Variants in SKP2 observed in about 807,000 individuals in gnomAD.
SKP2 encodes the protein S-phase kinase-associated protein 2.
In SKP2, 16 loss-of-function variants were observed where a neutral mutation model predicts 51.8. The ratio of observed to expected loss-of-function variants is 0.31; its 90% confidence interval spans 0.21 to 0.47. The LOEUF (loss-of-function observed/expected upper bound fraction) is 0.47, where lower values mean the gene tolerates loss of function less well. SKP2 is among the 20% of genes least tolerant of loss of function. SKP2 has a pLI of 1.00. For missense variants in SKP2, 377 were observed against 505.3 expected (o/e 0.75, Z 2.43); for synonymous variants, 176 against 198.6 (o/e 0.89, Z 0.96).
intron 4 of SKP2, 69 bp from the exon 5 acceptor site, chr5:36,168,244 G>T: frequency 6.8e-7 from 1 of 1,465,836 alleles, no homozygotes; most frequent in Non-Finnish European, 9.4e-7. Context: ...GGAGAAGAGG[G>T]GTCTGGTTTG....
At chr5:36,170,134 C>A (rs544377768) in intron 5 of SKP2, among the ~76,000 whole-genome samples, 4 of 152,204 alleles carry the variant, frequency 2.6e-5, no homozygotes, top group South Asian at 4.1e-4. Context: ...TTCTTAATAA[C>A]TCTGCCAAGA....
chr5:36,171,691 C>T lies in SKP2; in HGVS notation c.859C>T (p.Gln287Ter). 6.2e-7 allele frequency: 1 copy of T among 1,613,950 alleles called. No individual in the cohort carries two copies. The highest frequency in any genetic ancestry group is 1.1e-5 in the South Asian group (1 of 91,076). ...TGCGCATGTGTCAGAGACCATCACC[C>T]AGCTGAATCTTAGCGGCTACAGAAA... ...AVAHVSETIT[Q>*]LNLSGYRKNL... The change falls in exon 7 of 10, where the codon CAG becomes TAG. Residue 287 changes from glutamine to a stop codon, truncating the protein, a stop_gained. Coordinates refer to ENST00000274255, the MANE Select transcript of SKP2 (RefSeq NM_005983.4). LOFTEE classifies it high-confidence loss of function.
intron 6 of SKP2, among the ~76,000 whole-genome samples, chr5:36,192,347 C>T (rs1191823343): frequency 6.6e-6 from 1 of 152,168 alleles, no homozygotes; most frequent in Non-Finnish European, 1.5e-5. Flanking sequence ...TCCCTGGGAT[C>T]TTTTCTGCAT....
rs1745651086 is a variant in SKP2 at position 36,176,900 on chromosome 5, A to T, written c.902-65A>T. ...AGCATGATGTTCAATGATAGTAGTGATAACAAATATCCTTGTCTTGTTCCT... is the reference window on the plus strand; with the variant it reads ...AGCATGATGTTCAATGATAGTAGTGTTAACAAATATCCTTGTCTTGTTCCT... On this transcript the variant is annotated intron_variant, in intron 7 of 9. Transcript: ENST00000274255. 47 of 1,044,436 alleles carry T rather than the reference A, an allele frequency of 4.5e-5. No homozygotes were observed. The South Asian group carries it at 6.3e-4, about 14-fold the overall frequency. The allele number at this position is 1,044,436 out of a possible 1,614,324, so 64.7% of individuals were successfully genotyped here.
Position 36,184,143 on chromosome 5 carries a change from A to G in SKP2, c.*2112A>G. Reference sequence around the variant, plus strand: ...CATTTGGCTTAGATACCTCTAAATAAGACTCTTCAAAACAGAGCCCTGAGA... The same window carrying G: ...CATTTGGCTTAGATACCTCTAAATAGGACTCTTCAAAACAGAGCCCTGAGA... On this transcript the variant is annotated 3_prime_UTR_variant, in exon 10 of 10. Transcript: ENST00000274255. 3 of 561,296 alleles carry G rather than the reference A, an allele frequency of 5.3e-6. No homozygotes were observed. Among genetic ancestry groups the G allele is most frequent in the Non-Finnish European group, 9.3e-6 (3 of 321,006 alleles). The allele number at this position is 561,296 out of a possible 1,614,324, so 34.8% of individuals were successfully genotyped here.
intron 2 of SKP2, among the ~76,000 whole-genome samples, chr5:36,162,240 G>A (rs1745144131): frequency 8.1e-6 from 1 of 122,746 alleles, no homozygotes; most frequent in South Asian, 2.5e-4. Context: ...GCTGCTCTCT[G>A]ATTTTTCTAC....
intron 6 of SKP2, 74 bp downstream of exon 6, chr5:36,170,516 G>T (rs1018517459): frequency 2.2e-6 from 2 of 895,814 alleles, no homozygotes; most frequent in Non-Finnish European, 1.7e-6. Flanking sequence ...TGTATAAAAT[G>T]GGATGAACTT....
intron 9 of SKP2, among the ~76,000 whole-genome samples, chr5:36,180,685 T>C (rs27130): frequency 0.63 from 95,575 of 152,086 alleles, 35,239 homozygotes; most frequent in Non-Finnish European, 0.83. Context: ...AGCAGATGAA[T>C]GACTAACATG....
At chr5:36,158,380 C>A (rs1185994766) in intron 2 of SKP2, among the ~76,000 whole-genome samples, 2 of 152,210 alleles carry the variant, frequency 1.3e-5, no homozygotes, top group Non-Finnish European at 2.9e-5. Flanking sequence ...GCTAGAGCAG[C>A]TATTAAAGAC....
Position 36,166,765 on chromosome 5 carries a change from G to T in SKP2, c.536+103G>T, listed in dbSNP as rs1475636776. 4 of 1,028,970 alleles carry T rather than the reference G, an allele frequency of 3.9e-6. No homozygotes were observed. In the African/African-American group the frequency reaches 6.5e-5, roughly 17 times the overall value. The allele number at this position is 1,028,970 out of a possible 1,614,324, so 63.7% of individuals were successfully genotyped here. A position where few individuals can be genotyped will look rare whatever the true frequency, so the allele number is the denominator to read the frequency against. On this transcript the variant is annotated intron_variant, in intron 4 of 9. Transcript: ENST00000274255. ...TCTTTCTTCAGCCTTAAAGCCTATGGTAGGTTATCTGTGCAGTGTGGGATG... is the reference window on the plus strand; with the variant it reads ...TCTTTCTTCAGCCTTAAAGCCTATGTTAGGTTATCTGTGCAGTGTGGGATG...
intron 3 of SKP2, 89 bp downstream of exon 3, chr5:36,163,845 C>A: frequency 1.2e-6 from 1 of 860,340 alleles, no homozygotes; most frequent in Admixed American, 2.2e-5. Context: ...AACTAAAAAC[C>A]AAGAAAAATA....
chr5:36,190,683 C>CAAAAAAAAAAAA (rs70973094), intron 6 of SKP2, among the ~76,000 whole-genome samples: 50 of 81,176 alleles, frequency 6.2e-4, no homozygotes, highest in South Asian at 1.5e-3. Context: ...CAAACATATG[C>CAAAAAAAAAAAA]AAAAAAAAAA....
intron 3 of SKP2, among the ~76,000 whole-genome samples, chr5:36,164,790 C>A (rs1745233383): frequency 6.6e-6 from 1 of 152,098 alleles, no homozygotes; most frequent in African/African-American, 2.4e-5. Context: ...GTCTGTTAAT[C>A]CCATTTTAAA....
chr5:36,163,257 T>C (rs2111967940), intron 2 of SKP2, among the ~76,000 whole-genome samples: 1 of 152,296 alleles, frequency 6.6e-6, no homozygotes, highest in Admixed American at 6.5e-5. Context: ...ACAATGTCAT[T>C]GAATGACATT....
rs1745908815 is a variant in SKP2, at chr5:36,184,233, T to A, written c.*2202T>A. 3.1e-6 allele frequency: 1 copy of A among 325,036 alleles called. No individual in the cohort carries two copies. The highest frequency in any genetic ancestry group is 5.5e-6 in the Non-Finnish European group (1 of 180,430). The allele number at this position is 325,036 out of a possible 1,614,324, so 20.1% of individuals were successfully genotyped here. On this transcript the variant is annotated 3_prime_UTR_variant, in exon 10 of 10. Coordinates refer to ENST00000274255, the MANE Select transcript of SKP2 (RefSeq NM_005983.4). ...TTAAAAAAAAAAGTTTATAATGCCT[T>A]TATAAAAGGGGCTAATACAGTCTTG...
downstream of SKP2, among the ~76,000 whole-genome samples, chr5:36,187,390 T>C (rs1745965880): frequency 6.6e-6 from 1 of 152,218 alleles, no homozygotes; most frequent in African/African-American, 2.4e-5. Flanking sequence ...TAAATTTCCC[T>C]CTACACACTG....
At chr5:36,166,383 A>G (rs1166411565) in intron 3 of SKP2, 136 bp from the exon 4 acceptor site, 6 of 694,986 alleles carry the variant, frequency 8.6e-6, no homozygotes, top group Admixed American at 5.3e-5. Context: ...TGTATAGCCA[A>G]CTTAAAAACA....
chr5:36,180,739 A>G (rs1745780238), intron 9 of SKP2, among the ~76,000 whole-genome samples: 1 of 152,218 alleles, frequency 6.6e-6, no homozygotes, highest in Non-Finnish European at 1.5e-5. Context: ...TATATAGAAT[A>G]GGCTAGAAGG....
In SKP2 at chr5:36,182,213, G is replaced by C; in HGVS notation, c.*182G>C. ...CTTGCTTTTTGAAATGATTCTAAAA[G>C]CTTCTATCACTGCTTTGCTCTTAAG... is the stretch of plus-strand genomic sequence containing the variant. On this transcript the variant is annotated 3_prime_UTR_variant, in exon 10 of 10. Transcript: ENST00000274255. 3 of 1,406,480 alleles carry C rather than the reference G, an allele frequency of 2.1e-6. 1 individual carries two copies. The South Asian group carries it at 5.0e-5, about 23-fold the overall frequency. 87.1% of individuals were successfully genotyped at this position (1,406,480 alleles called of 1,614,324 possible).
Sources: allele counts gnomAD v4.1 joint callset (sites outside exome capture counted in the v4.1 genomes callset), GRCh38; gene constraint gnomAD v4.1.1; transcripts MANE v1.5; gene names NCBI Gene and HGNC (gene_info 2026-07-23, HGNC 2026-07-21).